GEMIN8: variants seen among roughly 807,000 people sequenced by gnomAD.
GEMIN8 encodes gem nuclear organelle associated protein 8.
For missense variants in GEMIN8, 185 were observed against 205.9 expected, an observed-to-expected ratio of 0.90 and a Z score of 0.62; for synonymous variants, 80 against 78.5, an observed-to-expected ratio of 1.02 and a Z score of -0.10.
intron 4 of GEMIN8, chrX:14,014,002 C>A: frequency 1.4e-6 from 1 of 722,193 alleles, no homozygotes; most frequent in Non-Finnish European, 1.6e-6. Flanking sequence ...ACCAATGTCA[C>A]ATCACGTAAT....
intron 4 of GEMIN8, among the ~76,000 whole-genome samples, chrX:14,016,876 T>A (rs1197973127): frequency 8.4e-4 from 75 of 88,887 alleles, no homozygotes; most frequent in African/African-American, 2.7e-3. Context: ...AATATATATA[T>A]ATATATATAT....
chrX:14,018,600 A>G (rs1416143575), intron 4 of GEMIN8, among the ~76,000 whole-genome samples: 3 of 112,099 alleles, frequency 2.7e-5, no homozygotes, highest in African/African-American at 6.5e-5. Flanking sequence ...TTTGTTGTAT[A>G]TATTAGACTA....
At chrX:14,014,002 C>T (rs1288927478) in intron 4 of GEMIN8, 1 of 719,893 alleles carries the variant, frequency 1.4e-6, no homozygotes, top group Non-Finnish European at 1.6e-6. Context: ...ACCAATGTCA[C>T]ATCACGTAAT....
chrX:13,994,629 A>G, the GEMIN8 span, among the ~76,000 whole-genome samples: 1 of 112,174 alleles, frequency 8.9e-6, no homozygotes, highest in African/African-American at 3.2e-5. Context: ...GAGAATTCAC[A>G]TTTTATTGAA....
chrX:13,987,180 G>A, the GEMIN8 span, among the ~76,000 whole-genome samples: 3 of 111,772 alleles, frequency 2.7e-5, no homozygotes, highest in Non-Finnish European at 5.6e-5. Context: ...CCCCACTTGA[G>A]TGCTCTCAAG....
chrX:14,018,947 T>G (rs766556763), intron 4 of GEMIN8, among the ~76,000 whole-genome samples: 1 of 110,018 alleles, frequency 9.1e-6, no homozygotes, highest in African/African-American at 3.3e-5. Context: ...CTTAAAGAAG[T>G]ACACAGTTTA....
chrX:14,015,565 T>A (rs1487284761), intron 4 of GEMIN8, among the ~76,000 whole-genome samples: 1 of 112,062 alleles, frequency 8.9e-6, no homozygotes, highest in African/African-American at 3.2e-5. Flanking sequence ...AAAAAGAACA[T>A]ACTGTCCAAT....
At chrX:13,992,750 C>T in the GEMIN8 span, among the ~76,000 whole-genome samples, 1 of 111,662 alleles carries the variant, frequency 9.0e-6, no homozygotes, top group Non-Finnish European at 1.9e-5. Context: ...CCAGATCGTG[C>T]CATGCTTGTA....
the GEMIN8 span, among the ~76,000 whole-genome samples, chrX:13,989,269 A>T: frequency 1.0e-3 from 105 of 103,416 alleles, no homozygotes; most frequent in Admixed American, 8.7e-3. Context: ...TTAAATTTAA[A>T]TTTTTTTTTT....
At chrX:14,000,447 AT>A in the GEMIN8 span, among the ~76,000 whole-genome samples, 1 of 110,195 alleles carries the variant, frequency 9.1e-6, no homozygotes, top group Admixed American at 9.7e-5. Context: ...ACACAAAAAA[AT>A]TAGCCAGGCG....
At chrX:13,999,002 T>C in the GEMIN8 span, among the ~76,000 whole-genome samples, 140 of 111,837 alleles carry the variant, frequency 1.3e-3, 1 homozygote, top group Non-Finnish European at 1.7e-3. Context: ...CAGATAAAAA[T>C]ATATCTCCTC....
downstream of GEMIN8, among the ~76,000 whole-genome samples, chrX:14,002,929 T>TC (rs760757786): frequency 7.6e-4 from 85 of 111,699 alleles, no homozygotes; most frequent in Non-Finnish European, 1.3e-3. Context: ...GAATTGATTG[T>TC]CCCTCTCAAA....
At chrX:13,989,267 A>C in the GEMIN8 span, among the ~76,000 whole-genome samples, 3 of 109,684 alleles carry the variant, frequency 2.7e-5, no homozygotes, top group South Asian at 8.0e-4. Context: ...TTTTAAATTT[A>C]AATTTTTTTT....
Position 14,007,685 on chromosome X carries a change from G to A in GEMIN8, c.*1228C>T, listed in dbSNP as rs1262097644. ...TGGGACTACAGGTGCCCGCCACCACGCCCGGCTAATTTTTTGTATTTTTAG... is the reference window on the plus strand; with the variant it reads ...TGGGACTACAGGTGCCCGCCACCACACCCGGCTAATTTTTTGTATTTTTAG... On this transcript the variant is annotated 3_prime_UTR_variant, in exon 5 of 5. Coordinates refer to ENST00000680255, the MANE Select transcript of GEMIN8 (RefSeq NM_001042479.2). Among the ~76,000 whole-genome samples, 2 of 109,423 alleles carry A rather than the reference G, an allele frequency of 1.8e-5. No individual in the cohort carries two copies. The highest frequency in any genetic ancestry group is 6.7e-5 in the African/African-American group (2 of 30,007).
the GEMIN8 span, among the ~76,000 whole-genome samples, chrX:13,989,029 A>G: frequency 7.3e-5 from 8 of 110,290 alleles, no homozygotes; most frequent in Non-Finnish European, 1.5e-4. Context: ...GCAAATTGTT[A>G]TAGTTTGAGT....
downstream of GEMIN8, among the ~76,000 whole-genome samples, chrX:14,003,797 T>C (rs1291394483): frequency 2.7e-5 from 3 of 112,420 alleles, no homozygotes; most frequent in African/African-American, 9.7e-5. Context: ...GCTAAAGAAA[T>C]TAGTATTTGT....
the GEMIN8 span, among the ~76,000 whole-genome samples, chrX:13,985,285 G>A: frequency 8.9e-6 from 1 of 111,790 alleles, no homozygotes; most frequent in Admixed American, 9.5e-5. Context: ...AGAAACAGGG[G>A]AGCCCATAGT....
chrX:14,009,185 A>AGGCCTAGCTCATTCTGTAAAATGTCCC lies in GEMIN8; in HGVS notation c.473-17_473-16insGGGACATTTTACAGAATGAGCTAGGCC. 8.3e-7 allele frequency: 1 copy of AGGCCTAGCTCATTCTGTAAAATGTCCC among 1,207,736 alleles called. No homozygotes were observed. Among genetic ancestry groups the AGGCCTAGCTCATTCTGTAAAATGTCCC allele is most frequent in the South Asian group, 1.8e-5 (1 of 56,637 alleles). On this transcript the variant is annotated splice_polypyrimidine_tract_variant and intron_variant, in intron 4 of 4. Coordinates refer to ENST00000680255, the MANE Select transcript of GEMIN8 (RefSeq NM_001042479.2). The stretch of plus-strand genomic sequence containing the variant: ...TGCTGCCGCCCTGAGAACAAACACG[A>AGGCCTAGCTCATTCTGTAAAATGTCCC]ACGTGAACATGAACATAAACACACG...
chrX:14,021,591 C>A, intron 2 of GEMIN8, 80 bp from the exon 3 acceptor site: 1 of 689,554 alleles, frequency 1.5e-6, no homozygotes, highest in East Asian at 3.3e-5. Context: ...GTTTGTGAGG[C>A]AGCTCCCAAG....
Sources: allele counts gnomAD v4.1 joint callset (sites outside exome capture counted in the v4.1 genomes callset), GRCh38; gene constraint gnomAD v4.1.1; transcripts MANE v1.5; gene names NCBI Gene and HGNC (gene_info 2026-07-23, HGNC 2026-07-21).